APLF: variants seen among roughly 807,000 people sequenced by gnomAD.
APLF encodes aprataxin and PNK-like factor.
A neutral mutation model predicts 55.6 loss-of-function variants in APLF; 61 were observed. The ratio of observed to expected loss-of-function variants is 1.10; its 90% CI spans 0.89 to 1.36. The LOEUF is 1.36. APLF is among the 40% of genes most tolerant of loss of function. The pLI is 0.00. For missense variants in APLF, 611 were observed against 602.5 expected (o/e 1.01, Z -0.15); for synonymous variants, 207 against 214.8 (o/e 0.96, Z 0.32).
intron 9 of APLF, among the ~76,000 whole-genome samples, chr2:68,570,695 G>T (rs1187310190): frequency 6.6e-6 from 1 of 152,100 alleles, no homozygotes; most frequent in Non-Finnish European, 1.5e-5. Context: ...GTCTATCATT[G>T]TTGGACATTT....
intron 8 of APLF, among the ~76,000 whole-genome samples, chr2:68,566,319 A>T (rs1044246710): frequency 1.3e-5 from 2 of 152,094 alleles, no homozygotes; most frequent in South Asian, 4.1e-4. Context: ...AGTATTTCCT[A>T]TCTTCACAGA....
chr2:68,497,441 C>A (rs890685236), intron 2 of APLF, among the ~76,000 whole-genome samples: 5 of 152,046 alleles, frequency 3.3e-5, no homozygotes, highest in Non-Finnish European at 7.4e-5. Context: ...TGTAGCACCT[C>A]CCCCTTCTCT....
rs929276291 is a variant in APLF at position 68,517,075 on chromosome 2, TATA to T, written c.622+3399_622+3401del. On this transcript the variant is annotated intron_variant, in intron 5 of 9. Coordinates refer to ENST00000303795, the MANE Select transcript of APLF (RefSeq NM_173545.3). ...GTTATTAATATATAACATGTTAATA[TATA>T]ATATGTTATTAATATATAATATACT... Among the ~76,000 whole-genome samples, 59 of 123,998 alleles carry T rather than the reference TATA, an allele frequency of 4.8e-4. 1 individual carries two copies. Among genetic ancestry groups the T allele is most frequent in the Middle Eastern group, 5.5e-3 (1 of 182 alleles). 81.3% of individuals were successfully genotyped at this position (123,998 alleles called of 152,430 possible). A position where few individuals can be genotyped will look rare whatever the true frequency, so the allele number is the denominator to read the frequency against.
In APLF at chr2:68,579,064, T is replaced by C; in HGVS notation, c.*1042T>C. ...GTGTACACAGAGCAGGAGATATTTA[T>C]TGAAATCATAAATCACTAAGCCAAA... is the stretch of plus-strand genomic sequence containing the variant. On this transcript the variant is annotated 3_prime_UTR_variant, in exon 10 of 10. Coordinates refer to ENST00000303795, the MANE Select transcript of APLF (RefSeq NM_173545.3). 1 of 984,294 alleles carries C rather than the reference T, an allele frequency of 1.0e-6. No homozygotes were observed. Among genetic ancestry groups the C allele is most frequent in the Non-Finnish European group, 1.2e-6 (1 of 828,900 alleles). 61.0% of individuals were successfully genotyped at this position (984,294 alleles called of 1,614,324 possible).
intron 4 of APLF, 111 bp downstream of exon 4, chr2:68,513,338 A>T: frequency 7.5e-7 from 1 of 1,338,730 alleles, no homozygotes; most frequent in South Asian, 1.5e-5. Flanking sequence ...GCATTTATCT[A>T]CTTTTGCTGA....
chr2:68,494,362 A>G (rs76182294), intron 2 of APLF, among the ~76,000 whole-genome samples: 3,845 of 151,772 alleles, frequency 0.025, 65 homozygotes, highest in South Asian at 0.043. Flanking sequence ...TGGTGCCATC[A>G]TCTGCTAGGT....
intron 3 of APLF, among the ~76,000 whole-genome samples, chr2:68,503,678 G>A (rs1676791496): frequency 6.6e-6 from 1 of 152,076 alleles, no homozygotes; most frequent in African/African-American, 2.4e-5. Context: ...ACTGAAAACA[G>A]CATAAAAATT....
At chr2:68,472,997 A>G (rs1032043715) in intron 1 of APLF, among the ~76,000 whole-genome samples, 2 of 152,156 alleles carry the variant, frequency 1.3e-5, no homozygotes, top group Non-Finnish European at 2.9e-5. Flanking sequence ...GTTTGTTGGA[A>G]TTGATGAATC....
chr2:68,549,006 C>T (rs1004896039), intron 8 of APLF, among the ~76,000 whole-genome samples: 1 of 151,998 alleles, frequency 6.6e-6, no homozygotes, highest in Non-Finnish European at 1.5e-5. Context: ...AAACCTACCA[C>T]AACACTGTTA....
chr2:68,571,355 A>G (rs1410127684), intron 9 of APLF, among the ~76,000 whole-genome samples: 3 of 152,096 alleles, frequency 2.0e-5, no homozygotes, highest in East Asian at 3.8e-4. Context: ...TGTTTTAGAC[A>G]TGAAGTCCTT....
At chr2:68,482,467 C>A (rs1156838113) in intron 1 of APLF, among the ~76,000 whole-genome samples, 1 of 151,982 alleles carries the variant, frequency 6.6e-6, no homozygotes, top group Non-Finnish European at 1.5e-5. Flanking sequence ...GGTTGTTGAG[C>A]CAGGGGTATG....
At chr2:68,480,328 G>A (rs1172956032) in intron 1 of APLF, among the ~76,000 whole-genome samples, 1 of 148,174 alleles carries the variant, frequency 6.7e-6, no homozygotes, top group Non-Finnish European at 1.5e-5. Context: ...TTTTTGAGAC[G>A]GAGTTTCACT....
chr2:68,563,408 G>A (rs1269675924), intron 8 of APLF: 1 of 957,716 alleles, frequency 1.0e-6, no homozygotes, highest in Non-Finnish European at 1.2e-6. Context: ...TAAGTAGGAT[G>A]TGAGGTTGGT....
At chr2:68,573,889 C>A (rs1037106442) in intron 9 of APLF, among the ~76,000 whole-genome samples, 1 of 150,848 alleles carries the variant, frequency 6.6e-6, no homozygotes, top group African/African-American at 2.5e-5. Context: ...AGTTTCCTTT[C>A]AGATTCAGAA....
At chr2:68,513,764 TA>T in intron 5 of APLF, 84 bp downstream of exon 5, 1 of 1,462,862 alleles carries the variant, frequency 6.8e-7, no homozygotes, top group Non-Finnish European at 9.3e-7. Context: ...AACTATAAAC[TA>T]GTTCTATAGA....
At position 68,528,780 on chromosome 2, in the gene APLF, C is replaced by T. The variant is rs1573225246; in HGVS notation, c.804+2538C>T. On this transcript the variant is annotated intron_variant, in intron 6 of 9. Transcript: ENST00000303795. ...TGGCCCTTGGAGTAGAAACTCACTG[C>T]ATGCACCTGGGCCTTGTCAGTCTGG... 10 of 1,433,098 alleles carry T rather than the reference C, an allele frequency of 7.0e-6. 1 individual carries two copies. The South Asian group carries it at 9.8e-5, about 14-fold the overall frequency. The allele number at this position is 1,433,098 out of a possible 1,614,324, so 88.8% of individuals were successfully genotyped here.
At chr2:68,477,792 A>G (rs376259669) in intron 1 of APLF, among the ~76,000 whole-genome samples, 3 of 152,320 alleles carry the variant, frequency 2.0e-5, no homozygotes, top group African/African-American at 4.8e-5. Context: ...AACGTCTTAC[A>G]TGGCATCAGG....
chr2:68,566,882 A>G (rs1057488825), intron 8 of APLF, among the ~76,000 whole-genome samples: 1 of 152,060 alleles, frequency 6.6e-6, no homozygotes, highest in African/African-American at 2.4e-5. Context: ...TTTTCATAAC[A>G]AGTGATTGGT....
intron 8 of APLF, among the ~76,000 whole-genome samples, chr2:68,547,407 A>T (rs1259252011): frequency 6.6e-6 from 1 of 151,826 alleles, no homozygotes; most frequent in African/African-American, 2.4e-5. Context: ...ATTACAAAGG[A>T]TAAAAATAGC....
Sources: allele counts gnomAD v4.1 joint callset (sites outside exome capture counted in the v4.1 genomes callset), GRCh38; gene constraint gnomAD v4.1.1; transcripts MANE v1.5; gene names NCBI Gene and HGNC (gene_info 2026-07-23, HGNC 2026-07-21).